Variants in KLF12 observed in about 807,000 individuals in gnomAD.
KLF12 encodes the protein Krueppel-like factor 12.
A neutral mutation model predicts 37.8 loss-of-function variants in KLF12; 9 were observed. The observed-to-expected ratio is 0.24, with a 90% confidence interval of 0.14 to 0.42. The LOEUF (loss-of-function observed/expected upper bound fraction) is 0.42. Ranked by LOEUF, KLF12 falls within the 10% of genes least tolerant of loss-of-function variation. KLF12 has a pLI of 1.00. For missense variants in KLF12, 411 were observed against 516.0 expected (o/e 0.80, Z 1.97); for synonymous variants, 208 against 202.1 (o/e 1.03, Z -0.25).
chr13:73,870,472 T>A (rs868177525), intron 3 of KLF12, among the ~76,000 whole-genome samples: 3 of 152,236 alleles, frequency 2.0e-5, no homozygotes, highest in South Asian at 4.1e-4. Flanking sequence ...AGTCCATGCC[T>A]TGGTATTTAT....
At chr13:73,912,278 A>C (rs182884769) in intron 3 of KLF12, among the ~76,000 whole-genome samples, 37 of 152,306 alleles carry the variant, frequency 2.4e-4, no homozygotes, top group South Asian at 6.2e-4. Context: ...CCAGGGAAAA[A>C]CATAAACTTA....
intron 3 of KLF12, among the ~76,000 whole-genome samples, chr13:73,918,971 T>C (rs1444435751): frequency 1.3e-5 from 2 of 152,230 alleles, no homozygotes; most frequent in African/African-American, 4.8e-5. Context: ...AAAACCAGTC[T>C]GATTCTGGAG....
the KLF12 span, among the ~76,000 whole-genome samples, chr13:74,208,312 TC>T: frequency 6.6e-6 from 1 of 152,206 alleles, no homozygotes; most frequent in Non-Finnish European, 1.5e-5. Flanking sequence ...TGTAACATGA[TC>T]TTATAAACAC....
the KLF12 span, among the ~76,000 whole-genome samples, chr13:74,295,993 T>A: frequency 6.9e-3 from 1,050 of 151,740 alleles, 15 homozygotes; most frequent in Admixed American, 0.034. Context: ...TTTTTTTTTT[T>A]ATATTTTTTA....
At chr13:73,836,020 T>G (rs985725324) in intron 4 of KLF12, among the ~76,000 whole-genome samples, 1 of 151,230 alleles carries the variant, frequency 6.6e-6, no homozygotes, top group Non-Finnish European at 1.5e-5. Context: ...ATTTGTTGAA[T>G]AAATGAACTA....
chr13:74,137,580 A>G (rs1878595943), upstream of KLF12, among the ~76,000 whole-genome samples: 1 of 152,216 alleles, frequency 6.6e-6, no homozygotes, highest in South Asian at 2.1e-4. Context: ...ACACCCTCAA[A>G]GCAGATAAAA....
chr13:74,250,732 C>T, the KLF12 span, among the ~76,000 whole-genome samples: 1 of 151,788 alleles, frequency 6.6e-6, no homozygotes, highest in African/African-American at 2.4e-5. Flanking sequence ...AGGAAGATAC[C>T]TAAGGAAAAA....
At chr13:74,244,999 A>G in the KLF12 span, among the ~76,000 whole-genome samples, 1 of 152,212 alleles carries the variant, frequency 6.6e-6, no homozygotes, top group African/African-American at 2.4e-5. Flanking sequence ...GATTTGGAAA[A>G]GTCACTCTGA....
rs976299167 is a variant in KLF12 at position 74,087,274 on chromosome 13, G to A, written c.-32+46465C>T. ...CACCAGCAAAAGTATGTGACCGAAC[G>A]TCGACACAGGTCCTCTGTCAGAAGT... On this transcript the variant is annotated intron_variant, in intron 1 of 7. Transcript: ENST00000377669. Among the ~76,000 whole-genome samples the A allele has an allele frequency of 2.0e-5, 3 of 152,256 alleles. 1 individual carries two copies. The highest frequency in any genetic ancestry group is 2.1e-4 in the South Asian group (1 of 4,824).
At chr13:73,757,728 T>C (rs541955593) in intron 6 of KLF12, among the ~76,000 whole-genome samples, 5 of 152,202 alleles carry the variant, frequency 3.3e-5, no homozygotes, top group Non-Finnish European at 7.3e-5. Context: ...AGATTTTTGA[T>C]TGGGTTCCAA....
intron 1 of KLF12, among the ~76,000 whole-genome samples, chr13:74,073,144 T>C (rs1019889641): frequency 1.3e-5 from 2 of 152,244 alleles, no homozygotes; most frequent in African/African-American, 4.8e-5. Flanking sequence ...GCCCGAGCCA[T>C]GTAGAACTGT....
At chr13:74,048,697 G>A (rs904417420) in intron 1 of KLF12, among the ~76,000 whole-genome samples, 1 of 152,054 alleles carries the variant, frequency 6.6e-6, no homozygotes, top group African/African-American at 2.4e-5. Context: ...CTGACAGAAA[G>A]GGAAACTTAA....
At chr13:74,108,639 G>C (rs190158726) in intron 1 of KLF12, among the ~76,000 whole-genome samples, 140 of 152,076 alleles carry the variant, frequency 9.2e-4, no homozygotes, top group Non-Finnish European at 1.3e-3. Context: ...ATAAACACTT[G>C]ACTAACACCA....
the KLF12 span, among the ~76,000 whole-genome samples, chr13:74,224,169 G>A: frequency 5.9e-5 from 9 of 152,040 alleles, no homozygotes; most frequent in African/African-American, 1.2e-4. Context: ...TCCAATATAC[G>A]CACTAATGTG....
intron 1 of KLF12, among the ~76,000 whole-genome samples, chr13:74,020,969 C>G (rs1320416578): frequency 6.6e-6 from 1 of 151,728 alleles, no homozygotes; most frequent in Non-Finnish European, 1.5e-5. Flanking sequence ...AAAGGACTGA[C>G]AAGTCTCATG....
intron 1 of KLF12, among the ~76,000 whole-genome samples, chr13:74,075,301 A>T (rs1017088756): frequency 1.3e-5 from 2 of 152,228 alleles, no homozygotes; most frequent in Non-Finnish European, 2.9e-5. Context: ...TTGAAGGATC[A>T]GACAGATAAA....
chr13:73,773,373 A>G (rs1425615727), intron 5 of KLF12, among the ~76,000 whole-genome samples: 2 of 152,218 alleles, frequency 1.3e-5, no homozygotes, highest in East Asian at 3.8e-4. Flanking sequence ...TCTCATGACC[A>G]ACGTCAGGAC....
At chr13:74,304,515 G>A in the KLF12 span, among the ~76,000 whole-genome samples, 2 of 152,058 alleles carry the variant, frequency 1.3e-5, no homozygotes, top group African/African-American at 4.8e-5. Flanking sequence ...AATGGAAAAT[G>A]AGTTATGTTT....
intron 3 of KLF12, among the ~76,000 whole-genome samples, chr13:73,918,580 G>A (rs992571400): frequency 6.6e-6 from 1 of 152,144 alleles, no homozygotes; most frequent in Non-Finnish European, 1.5e-5. Flanking sequence ...ACTCTGTGAT[G>A]TGAGCTAGAT....
Sources: gnomAD v4.1 joint callset for allele counts (sites outside exome capture counted in the v4.1 genomes callset) on GRCh38, gnomAD v4.1.1 for gene constraint, MANE v1.5 for transcripts, NCBI Gene and HGNC (gene_info 2026-07-23, HGNC 2026-07-21) for gene names.